The following MYLK variants were observed in gnomAD, a reference collection of about 807,000 sequenced individuals.
MYLK encodes the protein myosin light chain kinase, also known as myosin light chain kinase, smooth muscle.
Under a neutral mutation model 203.4 loss-of-function variants are expected in MYLK, and 106 were observed. The observed-to-expected ratio is 0.52, with a 90% CI of 0.45 to 0.61. The LOEUF (loss-of-function observed/expected upper bound fraction) is 0.61. MYLK is among the 20% of genes least tolerant of loss of function. The probability of loss-of-function intolerance (pLI) is 0.00; values close to 1 mark genes in which losing one functional copy is unlikely to be tolerated. For missense variants in MYLK, 2,072 were observed against 2,442.3 expected (o/e 0.85, Z 3.20); for synonymous variants, 867 against 959.5 (o/e 0.90, Z 1.78).
Position 123,719,976 on chromosome 3 carries a change from A to C in MYLK, c.1804+2152T>G, listed in dbSNP as rs923286277. On this transcript the variant is annotated intron_variant, in intron 13 of 33. Transcript: ENST00000360304. ...CCGTGCCAGGGGGTGTCGCTGTGCC[A>C]GGCTCACCCTGCTCCAATCCTATGC... 3.8e-4 allele frequency among the ~76,000 whole-genome samples: 58 copies of C among 152,322 alleles called. 1 individual carries two copies. Among genetic ancestry groups the C allele is most frequent in the African/African-American group, 1.4e-3 (58 of 41,572 alleles).
intron 8 of MYLK, chr3:123,735,902 C>G (rs1467195039): frequency 6.3e-6 from 1 of 159,830 alleles, no homozygotes; most frequent in African/African-American, 2.4e-5. Flanking sequence ...ACCCTGAAAG[C>G]CATCACCACG....
At chr3:123,650,681 C>T (rs1269556612) in intron 24 of MYLK, among the ~76,000 whole-genome samples, 2 of 152,150 alleles carry the variant, frequency 1.3e-5, no homozygotes, top group Non-Finnish European at 2.9e-5. Flanking sequence ...GTGGGTTTCA[C>T]GGTTACTGTC....
chr3:123,882,933 G>A lies in MYLK; in HGVS notation c.-186+1273C>T, dbSNP rs1455611518. ...AGAGAAGGAGGTCAAGAATTTAAGA[G>A]AAAAGAAAACAGTTCTATTAGAACC... On this transcript the variant is annotated intron_variant, in intron 1 of 33. Coordinates refer to ENST00000360304, the MANE Select transcript of MYLK (RefSeq NM_053025.4). 2.0e-5 allele frequency among the ~76,000 whole-genome samples: 3 copies of A among 152,176 alleles called. No individual in the cohort carries two copies. The East Asian group carries it at 5.8e-4, about 29-fold the overall frequency.
intron 3 of MYLK, among the ~76,000 whole-genome samples, chr3:123,803,993 A>G (rs2065284293): frequency 6.6e-6 from 1 of 152,266 alleles, no homozygotes; most frequent in Non-Finnish European, 1.5e-5. Context: ...AATAGTTGCC[A>G]TGTATTTAGC....
At chr3:123,779,383 T>C (rs970912969) in intron 4 of MYLK, among the ~76,000 whole-genome samples, 2 of 152,236 alleles carry the variant, frequency 1.3e-5, no homozygotes, top group African/African-American at 4.8e-5. Context: ...AGATTTGATT[T>C]GATTTTCCTT....
At chr3:123,639,103 C>T in intron 28 of MYLK, 1 of 978,572 alleles carries the variant, frequency 1.0e-6, no homozygotes, top group Non-Finnish European at 1.2e-6. Context: ...ACATTGTGTT[C>T]CCTGGGCTCT....
rs1560108139 is a variant in MYLK at position 123,707,840 on chromosome 3, G to A, written c.2304C>T (p.Phe768=). Residue 768 remains phenylalanine (F), a synonymous_variant, in exon 16 of 34, where the codon TTC becomes TTT. Transcript: ENST00000360304. ...ACACGTCCTCATTCTGAAGCACCTC[G>A]AAGTGGCCAGTGTCTTTGCAGAGGG... ...GKALCKDTGH[F]EVLQNEDVFT... 13 of 1,614,210 alleles carry A rather than the reference G, an allele frequency of 8.1e-6. No homozygotes were observed. Among genetic ancestry groups the A allele is most frequent in the South Asian group, 1.1e-5 (1 of 91,074 alleles).
At chr3:123,867,421 CAAAAAAA>C (rs4048400) in intron 2 of MYLK, among the ~76,000 whole-genome samples, 4 of 68,740 alleles carry the variant, frequency 5.8e-5, no homozygotes, top group African/African-American at 1.5e-4. Context: ...GACTAGTATC[CAAAAAAA>C]AAAAAAAAAA....
At chr3:123,880,854 G>A (rs2033485311) in intron 1 of MYLK, among the ~76,000 whole-genome samples, 2 of 152,148 alleles carry the variant, frequency 1.3e-5, no homozygotes. Flanking sequence ...TGGGCTGGCT[G>A]TCAGTAAATT....
chr3:123,708,778 G>T lies in MYLK; in HGVS notation c.2060C>A (p.Pro687Gln). 1 of 1,614,106 alleles carries T rather than the reference G, an allele frequency of 6.2e-7. No individual in the cohort carries two copies. Among genetic ancestry groups the T allele is most frequent in the Middle Eastern group, 1.7e-4 (1 of 6,056 alleles). ...QHSLCIQEVF[P>Q]EDTGTYTCEA... ...GCAGGTGTACGTGCCCGTGTCCTCC[G>T]GGAACACTTCCTGGATACAAAGGCT... Residue 687 changes from proline (P) to glutamine (Q), a missense_variant, in exon 15 of 34, where the codon CCG (proline) becomes CAG (glutamine). Around this residue, in one of 3 missense-constraint regions of MYLK, gnomAD observed 865 missense variants for 1,016.0 expected, o/e 0.85. Coordinates refer to ENST00000360304, the MANE Select transcript of MYLK (RefSeq NM_053025.4).
intron 16 of MYLK, among the ~76,000 whole-genome samples, chr3:123,703,237 G>C (rs2061321174): frequency 6.6e-6 from 1 of 152,190 alleles, no homozygotes; most frequent in South Asian, 2.1e-4. Context: ...AGGGGCTCTG[G>C]GGCGCTGCTC....
At chr3:123,809,853 G>A (rs1472384111) in intron 3 of MYLK, among the ~76,000 whole-genome samples, 1 of 152,146 alleles carries the variant, frequency 6.6e-6, no homozygotes, top group African/African-American at 2.4e-5. Flanking sequence ...CTCTCAGCAA[G>A]GAAATTCCAG....
At chr3:123,620,046 C>T (rs1326755810) in intron 32 of MYLK, among the ~76,000 whole-genome samples, 161 bp downstream of exon 32, 1 of 151,550 alleles carries the variant, frequency 6.6e-6, no homozygotes, top group East Asian at 1.9e-4. Context: ...AATTATTAGA[C>T]TTAGTAATTG....
At chr3:123,688,866 T>C (rs820377) in intron 19 of MYLK, among the ~76,000 whole-genome samples, 132,297 of 152,154 alleles carry the variant, frequency 0.87, 60,184 homozygotes, top group Non-Finnish European at 1. Flanking sequence ...AATGGTATTC[T>C]CTCCCCCATT....
chr3:123,682,170 G>A lies in MYLK; in HGVS notation c.3652+54C>T, dbSNP rs2305630. 9,283 of 1,433,726 alleles carry A rather than the reference G, an allele frequency of 6.5e-3. 211 individuals carry two copies. The highest frequency in any genetic ancestry group is 0.045 in the East Asian group (1,881 of 42,132). The allele number at this position is 1,433,726 out of a possible 1,614,324, so 88.8% of individuals were successfully genotyped here. On this transcript the variant is annotated intron_variant, in intron 20 of 33. Transcript: ENST00000360304. ...GGCTCTGAGGCTGCCCTCAGTCCCC[G>A]GGGTGCCTGCCCCTGCCTCTGCCTC...
chr3:123,787,298 T>G (rs2064568713), intron 4 of MYLK, among the ~76,000 whole-genome samples: 1 of 152,080 alleles, frequency 6.6e-6, no homozygotes, highest in Admixed American at 6.5e-5. Flanking sequence ...AGGCACAGGC[T>G]GTGGAGGAGC....
intron 2 of MYLK, among the ~76,000 whole-genome samples, chr3:123,855,211 G>C (rs918300768): frequency 6.6e-6 from 1 of 151,814 alleles, no homozygotes; most frequent in Non-Finnish European, 1.5e-5. Context: ...ATCTCTTTCT[G>C]TAGCTTTTAT....
At chr3:123,692,174 C>T in intron 19 of MYLK, 1 of 388,966 alleles carries the variant, frequency 2.6e-6, no homozygotes, top group Non-Finnish European at 3.6e-6. Context: ...CCTGCTTTCT[C>T]CCCGATGTGT....
chr3:123,880,417 TA>T (rs2033454060), intron 1 of MYLK, among the ~76,000 whole-genome samples: 1 of 151,882 alleles, frequency 6.6e-6, no homozygotes, highest in Non-Finnish European at 1.5e-5. Flanking sequence ...AAATAACCCA[TA>T]AGGTCCTGGA....
Sources: allele counts gnomAD v4.1 joint callset (sites outside exome capture counted in the v4.1 genomes callset), GRCh38; gene constraint gnomAD v4.1.1; regional missense constraint gnomAD v4.1.1; transcripts MANE v1.5; gene names NCBI Gene and HGNC (gene_info 2026-07-23, HGNC 2026-07-21).